Variants in WDR70 observed in about 807,000 individuals in gnomAD.
WDR70 encodes the protein WD repeat domain 70, also known as WD repeat-containing protein 70.
A neutral mutation model predicts 88.6 loss-of-function variants in WDR70; 53 were observed. The observed-to-expected ratio is 0.60, with a 90% CI of 0.48 to 0.75. The LOEUF (loss-of-function observed/expected upper bound fraction) is 0.75, where lower values mean the gene tolerates loss of function less well. Among genes scored for constraint, WDR70 ranks in the 30% least tolerant of loss-of-function variants. WDR70 has a pLI of 0.00. For synonymous variants in WDR70, 280 were observed against 270.0 expected (o/e 1.04, Z -0.36); for missense variants, 610 against 823.2 (o/e 0.74, Z 3.17).
intron 3 of WDR70, among the ~76,000 whole-genome samples, chr5:37,390,488 G>T (rs1398721567): frequency 6.6e-6 from 1 of 151,142 alleles, no homozygotes; most frequent in Non-Finnish European, 1.5e-5. Context: ...TACAGGCGCC[G>T]GCCACTACGC....
chr5:37,649,710 A>G (rs1158177808), intron 10 of WDR70, among the ~76,000 whole-genome samples: 1 of 141,612 alleles, frequency 7.1e-6, no homozygotes, highest in East Asian at 2.1e-4. Flanking sequence ...TGAAGCTCAT[A>G]TACATTCACG....
intron 5 of WDR70, among the ~76,000 whole-genome samples, chr5:37,430,592 G>A (rs1034581865): frequency 6.6e-6 from 1 of 150,986 alleles, no homozygotes; most frequent in African/African-American, 2.4e-5. Flanking sequence ...ACGGAGTCTC[G>A]CTCTGTTGCC....
chr5:37,401,779 T>G lies in WDR70; in HGVS notation c.492+5209T>G, dbSNP rs547264046. Among the ~76,000 whole-genome samples, 8 of 152,306 alleles carry G rather than the reference T, an allele frequency of 5.3e-5. No individual in the cohort carries two copies. In the South Asian group the frequency reaches 1.7e-3, roughly 32 times the overall value. On this transcript the variant is annotated intron_variant, in intron 5 of 17. Coordinates refer to ENST00000265107, the MANE Select transcript of WDR70 (RefSeq NM_018034.4). ...GGCCAAGATTATATTTTTAAGGATTTTTTTTAATTGACAGATTATTTTTAA... is the reference window on the plus strand; with the variant it reads ...GGCCAAGATTATATTTTTAAGGATTGTTTTTAATTGACAGATTATTTTTAA...
intron 5 of WDR70, among the ~76,000 whole-genome samples, chr5:37,397,555 G>T (rs1054123303): frequency 6.6e-6 from 1 of 152,180 alleles, no homozygotes; most frequent in Non-Finnish European, 1.5e-5. Flanking sequence ...GAGCAAACTG[G>T]ATCTAAAATT....
At chr5:37,750,633 G>A (rs1748777104) in intron 17 of WDR70, among the ~76,000 whole-genome samples, 1 of 152,172 alleles carries the variant, frequency 6.6e-6, no homozygotes, top group Admixed American at 6.5e-5. Context: ...CTAGTGGGAA[G>A]TAATTTCCCA....
At chr5:37,529,168 T>C (rs1481857526) in intron 9 of WDR70, among the ~76,000 whole-genome samples, 1 of 152,156 alleles carries the variant, frequency 6.6e-6, no homozygotes, top group African/African-American at 2.4e-5. Context: ...TGTATTCTGT[T>C]CCACGGTCTT....
chr5:37,610,418 T>C (rs754816838), intron 10 of WDR70, among the ~76,000 whole-genome samples: 1 of 152,076 alleles, frequency 6.6e-6, no homozygotes, highest in African/African-American at 2.4e-5. Context: ...TTTACCTACA[T>C]GAAATATGTG....
intron 10 of WDR70, among the ~76,000 whole-genome samples, chr5:37,623,634 A>G (rs1377867501): frequency 1.3e-5 from 2 of 152,174 alleles, no homozygotes; most frequent in African/African-American, 4.8e-5. Flanking sequence ...CCAGATTAGC[A>G]CAATATGGCT....
At chr5:37,467,805 C>T (rs1049180008) in intron 7 of WDR70, among the ~76,000 whole-genome samples, 8 of 152,046 alleles carry the variant, frequency 5.3e-5, no homozygotes, top group African/African-American at 1.9e-4. Flanking sequence ...CAAGCTCCGC[C>T]TCCCGGGTTT....
At chr5:37,471,681 T>G (rs1212283803) in intron 7 of WDR70, among the ~76,000 whole-genome samples, 1 of 151,966 alleles carries the variant, frequency 6.6e-6, no homozygotes, top group Non-Finnish European at 1.5e-5. Flanking sequence ...AGAAAATTTT[T>G]CTTTAACCCC....
chr5:37,701,478 T>A (rs932459094), intron 12 of WDR70, among the ~76,000 whole-genome samples: 3 of 152,070 alleles, frequency 2.0e-5, no homozygotes, highest in Non-Finnish European at 4.4e-5. Flanking sequence ...CTTTTAAAAT[T>A]TGTGGTTTTT....
At chr5:37,602,106 A>G (rs1248793899) in intron 9 of WDR70, among the ~76,000 whole-genome samples, 4 of 152,044 alleles carry the variant, frequency 2.6e-5, no homozygotes, top group Admixed American at 6.6e-5. Context: ...CATTAGGAGA[A>G]ATACCTAATG....
intron 10 of WDR70, among the ~76,000 whole-genome samples, chr5:37,673,769 C>T (rs1170903141): frequency 6.6e-6 from 1 of 152,068 alleles, no homozygotes; most frequent in African/African-American, 2.4e-5. Flanking sequence ...TCCCTTCACC[C>T]ATGCCCCCTA....
At chr5:37,415,404 C>T (rs1158147606) in intron 5 of WDR70, among the ~76,000 whole-genome samples, 8 of 101,124 alleles carry the variant, frequency 7.9e-5, no homozygotes, top group Non-Finnish European at 1.0e-4. Flanking sequence ...GCTGGCCGGG[C>T]GGGGGGCTGA....
intron 10 of WDR70, among the ~76,000 whole-genome samples, chr5:37,629,881 C>T (rs1744764680): frequency 6.6e-6 from 1 of 152,132 alleles, no homozygotes; most frequent in Non-Finnish European, 1.5e-5. Flanking sequence ...TTCTGTGAAT[C>T]TGGTGGTCGC....
chr5:37,729,013 A>G (rs1230999345), intron 17 of WDR70, among the ~76,000 whole-genome samples: 3 of 152,090 alleles, frequency 2.0e-5, no homozygotes, highest in Non-Finnish European at 2.9e-5. Context: ...ATTCTGTGAG[A>G]TAAATTCCAA....
intron 9 of WDR70, among the ~76,000 whole-genome samples, chr5:37,536,822 A>C (rs1436956251): frequency 6.6e-6 from 1 of 152,102 alleles, no homozygotes; most frequent in African/African-American, 2.4e-5. Flanking sequence ...TACAATTTCA[A>C]TTTTATGTTG....
chr5:37,701,663 G>C (rs1747167382), intron 12 of WDR70, among the ~76,000 whole-genome samples: 2 of 151,886 alleles, frequency 1.3e-5, no homozygotes, highest in South Asian at 4.2e-4. Flanking sequence ...GCGGGTGCCT[G>C]TAGTCCCAGC....
At chr5:37,507,173 A>G (rs1446773266) in intron 8 of WDR70, among the ~76,000 whole-genome samples, 1 of 150,982 alleles carries the variant, frequency 6.6e-6, no homozygotes, top group Admixed American at 6.6e-5. Context: ...TTACTTTTTC[A>G]TGTAAATTTT....
Sources: gnomAD v4.1 joint callset for allele counts (sites outside exome capture counted in the v4.1 genomes callset) on GRCh38, gnomAD v4.1.1 for gene constraint, MANE v1.5 for transcripts, NCBI Gene and HGNC (gene_info 2026-07-23, HGNC 2026-07-21) for gene names.